Variants in CSF1R observed in about 807,000 individuals in gnomAD.
The protein encoded by CSF1R is macrophage colony-stimulating factor 1 receptor.
In CSF1R, 40 loss-of-function variants were observed where a neutral mutation model predicts 110.0. The observed-to-expected ratio is 0.36, with a 90% CI of 0.28 to 0.47. The LOEUF (loss-of-function observed/expected upper bound fraction) is 0.47. CSF1R is among the 20% of genes least tolerant of loss of function. CSF1R has a pLI of 0.99. For missense variants in CSF1R, 1,052 were observed against 1,253.0 expected, an observed-to-expected ratio of 0.84 and a Z score of 2.42; for synonymous variants, 523 against 503.4, an observed-to-expected ratio of 1.04 and a Z score of -0.52.
chr5:150,058,303 AGAAGCACTACTGTAGACT>A (rs1375864703), intron 14 of CSF1R: 14 of 456,184 alleles, frequency 3.1e-5, no homozygotes, highest in East Asian at 2.1e-4. Flanking sequence ...AGAGAATTTG[AGAAGCACTACTGTAGACT>A]GAAGCACTAC....
intron 1 of CSF1R, among the ~76,000 whole-genome samples, chr5:150,112,813 T>G (rs1475787753): frequency 6.6e-6 from 1 of 152,156 alleles, no homozygotes. Context: ...ATGGCTCCAT[T>G]CTTTTCCCCA....
rs1561901777 is a variant in CSF1R, at chr5:150,054,380, G to T, written c.2705C>A (p.Thr902Asn). The T allele has an allele frequency of 6.2e-7, 1 of 1,613,970 alleles. No homozygotes were observed. The highest frequency in any genetic ancestry group is 8.5e-7 in the Non-Finnish European group (1 of 1,179,960). ...CWALEPTHRP[T>N]FQQICSFLQE... ...AAGGAAGGAGCAGATCTGCTGGAAG[G>T]TGGGTCTGTGGGTGGGCTCCAAGGC... Residue 902 changes from threonine (T) to asparagine (N), a missense_variant, in exon 20 of 21, where the codon ACC (threonine) becomes AAC (asparagine). Physicochemically the swap from Thr to Asn is moderately conservative, Grantham distance 65. Transcript: ENST00000675795.
Position 150,070,079 on chromosome 5 carries a change from T to C in CSF1R, c.1320-16A>G, listed in dbSNP as rs1340871644. 2 of 1,612,204 alleles carry C rather than the reference T, an allele frequency of 1.2e-6. No individual in the cohort carries two copies. Among genetic ancestry groups the C allele is most frequent in the Admixed American group, 3.3e-5 (2 of 59,904 alleles). ...CTCATCACACCTGGCAAAAGCAGAA[T>C]GTGGCTCAGAGCTTCAGGGTTCCCA... On this transcript the variant is annotated splice_polypyrimidine_tract_variant and intron_variant, in intron 8 of 20. Transcript: ENST00000675795.
intron 13 of CSF1R, 66 bp downstream of exon 13, chr5:150,060,796 G>A (rs1757473138): frequency 9.8e-7 from 1 of 1,020,274 alleles, no homozygotes; most frequent in Admixed American, 2.1e-5. Flanking sequence ...GAACAAGGTA[G>A]CCCTGGGGCC....
chr5:150,077,549 G>A, intron 4 of CSF1R, 114 bp from the exon 5 acceptor site: 3 of 1,175,788 alleles, frequency 2.6e-6, no homozygotes, highest in Non-Finnish European at 3.7e-6. Context: ...TGAGCCTGTT[G>A]CTTCACTTGT....
chr5:150,059,997 A>G (rs1456177210), intron 13 of CSF1R, 135 bp from the exon 14 acceptor site: 11 of 1,016,494 alleles, frequency 1.1e-5, no homozygotes, highest in African/African-American at 1.6e-5. Context: ...CTCTGTGAGC[A>G]AGTTTCCTTG....
chr5:150,066,358 T>C (rs216146), intron 10 of CSF1R, among the ~76,000 whole-genome samples: 85,082 of 152,042 alleles, frequency 0.56, 24,103 homozygotes, highest in Non-Finnish European at 0.59. Flanking sequence ...TTTCTCATCA[T>C]CCCATAGCCA....
intron 10 of CSF1R, among the ~76,000 whole-genome samples, chr5:150,063,010 G>A (rs1757598424): frequency 6.6e-6 from 1 of 151,958 alleles, no homozygotes. Context: ...TAAGGTGAGT[G>A]GGTTCCCTTT....
At chr5:150,070,121 C>T in intron 8 of CSF1R, 58 bp from the exon 9 acceptor site, 1 of 1,609,084 alleles carries the variant, frequency 6.2e-7, no homozygotes, top group Non-Finnish European at 8.5e-7. Context: ...GCATGTCCCT[C>T]CCACTCACAG....
intron 1 of CSF1R, among the ~76,000 whole-genome samples, chr5:150,106,375 C>T (rs1036238231): frequency 2.0e-5 from 3 of 152,162 alleles, no homozygotes; most frequent in Admixed American, 6.5e-5. Context: ...GACCCTGGAA[C>T]CTCCAGACCC....
chr5:150,058,762 C>T (rs1757366411), intron 14 of CSF1R, among the ~76,000 whole-genome samples: 1 of 151,854 alleles, frequency 6.6e-6, no homozygotes, highest in Non-Finnish European at 1.5e-5. Flanking sequence ...TGGCAGCTGA[C>T]AGTATCTAGG....
intron 12 of CSF1R, 41 bp downstream of exon 12, chr5:150,061,450 A>T (rs2113791608): frequency 2.1e-5 from 9 of 434,262 alleles, no homozygotes; most frequent in South Asian, 8.6e-5. Flanking sequence ...CCCAGCATCT[A>T]CCACCCCCCA....
intron 9 of CSF1R, among the ~76,000 whole-genome samples, chr5:150,069,151 T>C (rs1442412480): frequency 1.3e-5 from 2 of 152,152 alleles, no homozygotes; most frequent in Admixed American, 1.3e-4. Context: ...TGGACCCTGG[T>C]AGCAGTTGCT....
At chr5:150,067,519 G>A (rs561271112) in intron 10 of CSF1R, among the ~76,000 whole-genome samples, 185 of 152,160 alleles carry the variant, frequency 1.2e-3, no homozygotes, top group Non-Finnish European at 6.2e-4. Context: ...ATAGAAAAAT[G>A]CCCCTCAAAT....
At chr5:150,090,541 T>A (rs1581338202), upstream of CSF1R, among the ~76,000 whole-genome samples, 1 of 152,318 alleles carries the variant, frequency 6.6e-6, no homozygotes, top group African/African-American at 2.4e-5. Flanking sequence ...CAGGATAATG[T>A]CATATAAATG....
intron 1 of CSF1R, among the ~76,000 whole-genome samples, chr5:150,094,079 A>AT (rs1491180645): frequency 1.3e-5 from 2 of 149,702 alleles, no homozygotes; most frequent in Non-Finnish European, 3.0e-5. Flanking sequence ...AAAAAAAAAA[A>AT]GTACAATTAT....
At chr5:150,107,068 C>T (rs1759579865) in intron 1 of CSF1R, among the ~76,000 whole-genome samples, 1 of 152,164 alleles carries the variant, frequency 6.6e-6, no homozygotes, top group Non-Finnish European at 1.5e-5. Flanking sequence ...CAGTCAATGC[C>T]AGATGCATGA....
chr5:150,088,519 C>CTTTT (rs528725145), upstream of CSF1R, among the ~76,000 whole-genome samples: 555 of 146,188 alleles, frequency 3.8e-3, 2 homozygotes, highest in African/African-American at 0.013. Flanking sequence ...CAAACCAAAT[C>CTTTT]TTTTTTTTTT....
At chr5:150,087,066 C>T (rs1485423621), upstream of CSF1R, among the ~76,000 whole-genome samples, 1 of 152,218 alleles carries the variant, frequency 6.6e-6, no homozygotes, top group Non-Finnish European at 1.5e-5. Context: ...CAGCCTCAAA[C>T]TCCTGGCTCA....
Sources: allele counts gnomAD v4.1 joint callset (sites outside exome capture counted in the v4.1 genomes callset), GRCh38; gene constraint gnomAD v4.1.1; transcripts MANE v1.5; gene names NCBI Gene and HGNC (gene_info 2026-07-23, HGNC 2026-07-21).